KIF6: variants seen among roughly 807,000 people sequenced by gnomAD.
KIF6 encodes kinesin family member 6, also known as kinesin-like protein KIF6.
Under a neutral mutation model 112.7 loss-of-function variants are expected in KIF6, and 106 were observed. The ratio of observed to expected loss-of-function variants is 0.94; its 90% CI spans 0.80 to 1.11. KIF6 has a LOEUF of 1.11. Ranked by LOEUF, KIF6 falls within the 50% of genes least tolerant of loss-of-function variation. The pLI is 0.00. For missense variants in KIF6, 929 were observed against 964.0 expected, an observed-to-expected ratio of 0.96 and a Z score of 0.48; for synonymous variants, 339 against 339.9, an observed-to-expected ratio of 1.00 and a Z score of 0.03.
intron 10 of KIF6, among the ~76,000 whole-genome samples, chr6:39,547,804 A>G (rs1779143865): frequency 6.6e-6 from 1 of 152,158 alleles, no homozygotes; most frequent in South Asian, 2.1e-4. Flanking sequence ...TTCATTTCTA[A>G]TGGCTATATA....
At chr6:39,414,180 A>G (rs1345223214) in intron 15 of KIF6, among the ~76,000 whole-genome samples, 1 of 152,114 alleles carries the variant, frequency 6.6e-6, no homozygotes, top group African/African-American at 2.4e-5. Context: ...CTGGTCCCCG[A>G]TGACTCCTCT....
At chr6:39,357,212 G>T (rs1581662512) in intron 19 of KIF6, 65 bp downstream of exon 19, 1 of 970,052 alleles carries the variant, frequency 1.0e-6, no homozygotes, top group East Asian at 2.4e-5. Context: ...ACAGGAATAG[G>T]TTAAACAGAA....
At position 39,720,687 on chromosome 6, in the gene KIF6, G is replaced by C. The variant is rs566029372; in HGVS notation, c.176+15C>G. 1.5e-6 allele frequency: 2 copies of C among 1,320,676 alleles called. No individual in the cohort carries two copies. The highest frequency in any genetic ancestry group is 1.4e-5 in the African/African-American group (1 of 68,992). The allele number at this position is 1,320,676 out of a possible 1,614,324, so 81.8% of individuals were successfully genotyped here. ...TAATGAAACAGAAATGAAAAAAGGA[G>C]AAAGAAAAACTTACTTAAATTTGTA... On this transcript the variant is annotated intron_variant, in intron 2 of 22. Transcript: ENST00000287152.
intron 3 of KIF6, among the ~76,000 whole-genome samples, chr6:39,670,713 C>A (rs1273704090): frequency 6.6e-6 from 1 of 152,156 alleles, no homozygotes; most frequent in African/African-American, 2.4e-5. Flanking sequence ...ACTTTAGGGT[C>A]TGGCTCACTC....
chr6:39,711,792 A>C (rs182027047), intron 3 of KIF6, among the ~76,000 whole-genome samples: 2 of 152,302 alleles, frequency 1.3e-5, no homozygotes, highest in Admixed American at 6.5e-5. Flanking sequence ...AAAAATTAAT[A>C]ATAATAATTC....
chr6:39,675,968 A>G (rs1460715026), intron 3 of KIF6, among the ~76,000 whole-genome samples: 2 of 151,862 alleles, frequency 1.3e-5, no homozygotes, highest in African/African-American at 4.8e-5. Flanking sequence ...ATATTTTTCA[A>G]AGTCTAAGGG....
At chr6:39,358,922 G>A (rs1022515904) in intron 18 of KIF6, among the ~76,000 whole-genome samples, 1 of 152,194 alleles carries the variant, frequency 6.6e-6, no homozygotes. Context: ...TAAATATTGG[G>A]CCTACACCTA....
rs183508429 is a variant in KIF6 at position 39,714,817 on chromosome 6, T to C, written c.177-51A>G. ...TTAAAAGCTGCACCTCCAAACACTATCAGATTAATAAATCTTGTTTTTCTG... is the reference window on the plus strand; with the variant it reads ...TTAAAAGCTGCACCTCCAAACACTACCAGATTAATAAATCTTGTTTTTCTG... On this transcript the variant is annotated intron_variant, in intron 2 of 22. Transcript: ENST00000287152. 2,198 of 1,159,106 alleles carry C rather than the reference T, an allele frequency of 1.9e-3. 6 individuals are homozygous for C. Among genetic ancestry groups the C allele is most frequent in the South Asian group, 3.5e-3 (273 of 78,472 alleles). The allele number at this position is 1,159,106 out of a possible 1,614,324, so 71.8% of individuals were successfully genotyped here. A position where few individuals can be genotyped will look rare whatever the true frequency, so the allele number is the denominator to read the frequency against.
chr6:39,627,212 C>A (rs1784135869), intron 5 of KIF6, among the ~76,000 whole-genome samples: 1 of 152,170 alleles, frequency 6.6e-6, no homozygotes, highest in South Asian at 2.1e-4. Context: ...AAGCCACACT[C>A]CGCTGCCCCA....
chr6:39,357,447 T>G (rs1764792119), intron 18 of KIF6, 73 bp from the exon 19 acceptor site: 2 of 847,832 alleles, frequency 2.4e-6, no homozygotes, highest in Non-Finnish European at 3.6e-6. Context: ...TTGATGTAAT[T>G]CTTTTTTTTT....
At chr6:39,593,946 C>T (rs922887377) in intron 7 of KIF6, among the ~76,000 whole-genome samples, 5 of 152,192 alleles carry the variant, frequency 3.3e-5, no homozygotes, top group Admixed American at 3.3e-4. Context: ...TTCATGTCTC[C>T]CTGCACTAGA....
At chr6:39,631,210 T>C (rs1438692654) in intron 5 of KIF6, among the ~76,000 whole-genome samples, 4 of 151,900 alleles carry the variant, frequency 2.6e-5, no homozygotes, top group African/African-American at 9.7e-5. Context: ...ATGTTTCCTC[T>C]GCTTTTTTTT....
intron 10 of KIF6, among the ~76,000 whole-genome samples, chr6:39,559,138 A>G (rs534541110): frequency 2.2e-4 from 34 of 152,204 alleles, no homozygotes; most frequent in Non-Finnish European, 4.1e-4. Flanking sequence ...GATTTCTTAT[A>G]AAATGCAAGG....
intron 12 of KIF6, among the ~76,000 whole-genome samples, chr6:39,543,675 C>G (rs1399612844): frequency 6.6e-6 from 1 of 152,172 alleles, no homozygotes; most frequent in Non-Finnish European, 1.5e-5. Context: ...ATTTCTTGTG[C>G]ATGTTTAAAT....
chr6:39,717,025 G>A (rs1209765995), intron 2 of KIF6, among the ~76,000 whole-genome samples: 1 of 152,070 alleles, frequency 6.6e-6, no homozygotes, highest in African/African-American at 2.4e-5. Flanking sequence ...CTTGGTCCAC[G>A]CTACCATAAT....
At chr6:39,711,167 T>C (rs1323621241) in intron 3 of KIF6, among the ~76,000 whole-genome samples, 2 of 142,840 alleles carry the variant, frequency 1.4e-5, no homozygotes, top group Non-Finnish European at 3.0e-5. Flanking sequence ...CAGATTGAAA[T>C]AGCTGACTGA....
chr6:39,342,233 A>G lies in KIF6; in HGVS notation c.2428+1476T>C, dbSNP rs1763359424. Among the ~76,000 whole-genome samples, 1 of 152,248 alleles carries G rather than the reference A, an allele frequency of 6.6e-6. No homozygotes were observed. The highest frequency in any genetic ancestry group is 1.5e-5 in the Non-Finnish European group (1 of 68,044). On this transcript the variant is annotated intron_variant, in intron 22 of 22. Transcript: ENST00000287152. The surrounding 1 kb of genome is among the most constrained non-coding windows in gnomAD (Gnocchi z 4.7). ...ATGATGCAGCTGTCAGTTTAAAGTTATCTTCTCCAGCAAGGCCTCCCCAAC... is the reference window on the plus strand; with the variant it reads ...ATGATGCAGCTGTCAGTTTAAAGTTGTCTTCTCCAGCAAGGCCTCCCCAAC...
In KIF6 at chr6:39,554,941, T is replaced by C. The variant is rs2150584583; in HGVS notation, c.1182-9253A>G. ...CTTTGATGTGTCTATTCTCAGCCTCTGACTGACAGGGACATGTCCTGTGTG... is the reference window on the plus strand; with the variant it reads ...CTTTGATGTGTCTATTCTCAGCCTCCGACTGACAGGGACATGTCCTGTGTG... On this transcript the variant is annotated intron_variant, in intron 10 of 22. Coordinates refer to ENST00000287152, the MANE Select transcript of KIF6 (RefSeq NM_145027.6). The C allele has an allele frequency of 1.5e-5, 3 of 193,900 alleles. No homozygotes were observed. In the South Asian group the frequency reaches 3.5e-4, roughly 22 times the overall value. 12.0% of individuals were successfully genotyped at this position (193,900 alleles called of 1,614,324 possible). A position where few individuals can be genotyped will look rare whatever the true frequency, so the allele number is the denominator to read the frequency against.
chr6:39,576,394 G>A (rs1051986831), intron 10 of KIF6, among the ~76,000 whole-genome samples: 4 of 152,144 alleles, frequency 2.6e-5, no homozygotes, highest in Non-Finnish European at 5.9e-5. Flanking sequence ...AAAGTGCTGG[G>A]ATTACAGATG....
Sources: gnomAD v4.1 joint callset for allele counts (sites outside exome capture counted in the v4.1 genomes callset) on GRCh38, gnomAD v4.1.1 for gene constraint, Gnocchi (gnomAD v3.1) non-coding constraint, MANE v1.5 for transcripts, NCBI Gene and HGNC (gene_info 2026-07-23, HGNC 2026-07-21) for gene names.